The following NOD1 variants were observed in gnomAD, a reference collection of about 807,000 sequenced individuals.
NOD1 encodes the protein nucleotide-binding oligomerization domain-containing protein 1.
NOD1 carries 70 observed loss-of-function variants against 81.2 expected under a neutral mutation model. That is an observed-to-expected ratio of 0.86 (90% CI 0.71 to 1.05). The LOEUF (loss-of-function observed/expected upper bound fraction) is 1.05, where lower values mean the gene tolerates loss of function less well. Among genes scored for constraint, NOD1 ranks in the 50% least tolerant of loss-of-function variants. The pLI is 0.00. For synonymous variants in NOD1, 508 were observed against 526.9 expected (o/e 0.96, Z 0.49); for missense variants, 1,233 against 1,228.0 (o/e 1.00, Z -0.06).
chr7:30,466,304 A>G (rs732038), intron 1 of NOD1, among the ~76,000 whole-genome samples: 25,455 of 152,190 alleles, frequency 0.17, 2,290 homozygotes, highest in Admixed American at 0.23. Flanking sequence ...GAGCAGAAAC[A>G]GAATGTGTTG....
intron 6 of NOD1, among the ~76,000 whole-genome samples, chr7:30,450,372 C>G (rs1583748766): frequency 6.6e-6 from 1 of 152,212 alleles, no homozygotes; most frequent in Non-Finnish European, 1.5e-5. Flanking sequence ...TACACTCTGA[C>G]ACTGGTGTGA....
intron 1 of NOD1, among the ~76,000 whole-genome samples, chr7:30,464,892 C>A (rs1787523569): frequency 1.3e-5 from 2 of 152,184 alleles, no homozygotes; most frequent in African/African-American, 4.8e-5. Context: ...ATGAGCGAAT[C>A]ATTTACTAAT....
chr7:30,463,190 T>C (rs947290199), intron 1 of NOD1, among the ~76,000 whole-genome samples: 1 of 152,188 alleles, frequency 6.6e-6, no homozygotes. Flanking sequence ...TATAGATACA[T>C]ACGACTTGTC....
chr7:30,453,554 G>C (rs577899497), intron 5 of NOD1, among the ~76,000 whole-genome samples: 118 of 152,236 alleles, frequency 7.8e-4, no homozygotes, highest in South Asian at 8.3e-4. Flanking sequence ...CAAGTAGCTG[G>C]GACACAGGCA....
chr7:30,437,570 T>C lies in NOD1; in HGVS notation c.2537+3A>G. ...CCCCTGGAGACAGCAGGGCCACAGTTACCTCAGGGTGGTCAAGCTGGGGTG... is the reference window on the plus strand; with the variant it reads ...CCCCTGGAGACAGCAGGGCCACAGTCACCTCAGGGTGGTCAAGCTGGGGTG... On this transcript the variant is annotated splice_donor_region_variant and intron_variant, in intron 10 of 13. Coordinates refer to ENST00000222823, the MANE Select transcript of NOD1 (RefSeq NM_006092.4). 6.7e-7 allele frequency: 1 copy of C among 1,498,362 alleles called. No individual in the cohort carries two copies. Among genetic ancestry groups the C allele is most frequent in the Non-Finnish European group, 8.8e-7 (1 of 1,134,842 alleles). 92.8% of individuals were successfully genotyped at this position (1,498,362 alleles called of 1,614,324 possible).
intron 9 of NOD1, among the ~76,000 whole-genome samples, chr7:30,445,567 T>G (rs1400734575): frequency 6.6e-6 from 1 of 151,584 alleles, no homozygotes; most frequent in African/African-American, 2.4e-5. Context: ...GAGACCAGCC[T>G]GGCCAACATG....
At chr7:30,463,102 CTG>C (rs1562708901) in intron 1 of NOD1, among the ~76,000 whole-genome samples, 2 of 151,942 alleles carry the variant, frequency 1.3e-5, no homozygotes, top group Non-Finnish European at 2.9e-5. Flanking sequence ...TAGAAATGTT[CTG>C]TGTCTTGATT....
At chr7:30,428,261 A>C (rs1003271511) in intron 13 of NOD1, among the ~76,000 whole-genome samples, 3 of 152,088 alleles carry the variant, frequency 2.0e-5, no homozygotes, top group Admixed American at 1.3e-4. Context: ...GGGGTTTCGC[A>C]TGTTGCCCAG....
intron 1 of NOD1, among the ~76,000 whole-genome samples, chr7:30,464,393 T>C (rs866562044): frequency 6.6e-6 from 1 of 152,316 alleles, no homozygotes; most frequent in Middle Eastern, 3.4e-3. Flanking sequence ...CAGCTGTTCA[T>C]TCCTTCTACA....
In NOD1 at chr7:30,452,291, T is replaced by C; in HGVS notation, c.1126A>G (p.Ser376Gly). 1 of 1,613,354 alleles carries C rather than the reference T, an allele frequency of 6.2e-7. No individual in the cohort carries two copies. The highest frequency in any genetic ancestry group is 8.5e-7 in the Non-Finnish European group (1 of 1,179,832). ...AGGTTGGGGTTGGCCTCCAGCTGGCTCAGCAGGCGGTCCTGCAGGGCCCGC... is the reference window on the plus strand; with the variant it reads ...AGGTTGGGGTTGGCCTCCAGCTGGCCCAGCAGGCGGTCCTGCAGGGCCCGC... ...PERALQDRLLSQLEANPNLCS... is the reference protein window; with the variant it reads ...PERALQDRLLGQLEANPNLCS... The change falls in exon 6 of 14, where the codon AGC (serine) becomes GGC (glycine). Residue 376 changes from serine to glycine, a missense_variant. Ser to Gly is a moderately conservative substitution (Grantham distance 56, BLOSUM62 0). Coordinates refer to ENST00000222823, the MANE Select transcript of NOD1 (RefSeq NM_006092.4).
At chr7:30,428,777 A>C (rs904319233) in intron 13 of NOD1, among the ~76,000 whole-genome samples, 5 of 152,130 alleles carry the variant, frequency 3.3e-5, no homozygotes, top group African/African-American at 1.2e-4. Context: ...CCAGGCAATT[A>C]AGTTGTTAAG....
chr7:30,475,690 C>CT (rs1788709121), intron 1 of NOD1, among the ~76,000 whole-genome samples: 2 of 152,166 alleles, frequency 1.3e-5, no homozygotes, highest in Admixed American at 1.3e-4. Context: ...CCTGCCTTAG[C>CT]CAACTCTGCA....
chr7:30,439,449 G>C (rs1056096805), intron 9 of NOD1, among the ~76,000 whole-genome samples: 44 of 141,496 alleles, frequency 3.1e-4, no homozygotes, highest in South Asian at 1.3e-3. Flanking sequence ...CCTGGGAAGC[G>C]CAAGGGATCA....
At chr7:30,430,807 A>G (rs73687868) in intron 12 of NOD1, among the ~76,000 whole-genome samples, 8,752 of 152,340 alleles carry the variant, frequency 0.057, 315 homozygotes, top group Middle Eastern at 0.11. Context: ...CCAAGCACAC[A>G]GGACCACTGG....
At chr7:30,465,371 T>TAGAG (rs113912845) in intron 1 of NOD1, among the ~76,000 whole-genome samples, 25,370 of 152,076 alleles carry the variant, frequency 0.17, 2,251 homozygotes, top group Admixed American at 0.23. Flanking sequence ...CCCATGAACA[T>TAGAG]AGCCTCAGTG....
At chr7:30,439,777 C>T (rs1317572384) in intron 9 of NOD1, among the ~76,000 whole-genome samples, 6 of 43,312 alleles carry the variant, frequency 1.4e-4, no homozygotes, top group Non-Finnish European at 2.5e-4. Context: ...GCCTGCCTGC[C>T]TCTGTAGGCT....
intron 9 of NOD1, among the ~76,000 whole-genome samples, chr7:30,438,705 C>A (rs1784598099): frequency 6.6e-6 from 1 of 152,142 alleles, no homozygotes; most frequent in African/African-American, 2.4e-5. Flanking sequence ...AATTGAATGG[C>A]ATCACATTTT....
chr7:30,462,269 T>C (rs1256781091), intron 1 of NOD1, among the ~76,000 whole-genome samples: 1 of 152,170 alleles, frequency 6.6e-6, no homozygotes, highest in Non-Finnish European at 1.5e-5. Flanking sequence ...GTTTGGTGAG[T>C]CAGGACTCTC....
chr7:30,437,588 C>T lies in NOD1; in HGVS notation c.2522G>A (p.Ser841Asn), dbSNP rs569534871. ...CCACAGTTACCTCAGGGTGGTCAAGCTGGGGTGGTTCCGCAGAGCCTCTGC... is the reference window on the plus strand; with the variant it reads ...CCACAGTTACCTCAGGGTGGTCAAGTTGGGGTGGTTCCGCAGAGCCTCTGC... Reference protein sequence around the residue: ...AFAEALRNHPSLTTLSLASNG... With the variant: ...AFAEALRNHPNLTTLSLASNG... The change falls in exon 10 of 14, where the codon AGC becomes AAC. Residue 841 changes from serine (S) to asparagine (N), a missense_variant. Coordinates refer to ENST00000222823, the MANE Select transcript of NOD1 (RefSeq NM_006092.4). The T allele has an allele frequency of 6.6e-7, 1 of 1,507,398 alleles. No individual in the cohort carries two copies. The highest frequency in any genetic ancestry group is 2.8e-5 in the Admixed American group (1 of 35,400). The allele number at this position is 1,507,398 out of a possible 1,614,324, so 93.4% of individuals were successfully genotyped here. A position where few individuals can be genotyped will look rare whatever the true frequency, so the allele number is the denominator to read the frequency against.
Sources: allele counts gnomAD v4.1 joint callset (sites outside exome capture counted in the v4.1 genomes callset), GRCh38; gene constraint gnomAD v4.1.1; transcripts MANE v1.5; gene names NCBI Gene and HGNC (gene_info 2026-07-23, HGNC 2026-07-21).